Variants in SYT3 observed in about 807,000 individuals in gnomAD.
The protein encoded by SYT3 is synaptotagmin-3.
In SYT3, 25 loss-of-function variants were observed where a neutral mutation model predicts 50.6. The observed-to-expected ratio is 0.49, with a 90% CI of 0.36 to 0.69. SYT3 has a LOEUF of 0.69. SYT3 is among the 30% of genes least tolerant of loss of function. The probability of loss-of-function intolerance (pLI) is 0.00; values close to 1 mark genes in which losing one functional copy is unlikely to be tolerated. For missense variants in SYT3, 589 were observed against 793.6 expected (o/e 0.74, Z 3.10); for synonymous variants, 323 against 353.9 (o/e 0.91, Z 0.98).
chr19:50,633,395 GTC>G (rs1307430744), intron 3 of SYT3, among the ~76,000 whole-genome samples: 1 of 152,230 alleles, frequency 6.6e-6, no homozygotes, highest in Non-Finnish European at 1.5e-5. Context: ...GAATCCAGCA[GTC>G]TCTCTCCAGA....
In SYT3 at chr19:50,629,976, G is replaced by C; in HGVS notation, c.870C>G (p.Gly290=). The part of the protein sequence containing the change: ...PGGRRSGGGP[G]SGEAGTGAPC... ...GTGCCCCTGTGCCTGCCTCTCCAGA[G>C]CCTGGGCCCCCACCGCTCCGCCGGC... Residue 290 remains glycine, a synonymous_variant, in exon 5 of 11, where the codon GGC becomes GGG. Transcript: ENST00000600079. 5 of 1,613,894 alleles carry C rather than the reference G, an allele frequency of 3.1e-6. No homozygotes were observed. Among genetic ancestry groups the C allele is most frequent in the Non-Finnish European group, 4.2e-6 (5 of 1,179,890 alleles).
chr19:50,629,567 C>T, intron 5 of SYT3, 55 bp from the exon 6 acceptor site: 1 of 1,213,584 alleles, frequency 8.2e-7, no homozygotes, highest in East Asian at 2.3e-5. Context: ...CCCTCCTCCA[C>T]AGGATCCAGG....
In SYT3 at chr19:50,629,337, G is replaced by A; in HGVS notation, c.1238C>T (p.Pro413Leu). Reference protein sequence around the residue: ...LDNLLELAEQPPDRPLWRDIV... With the variant: ...LDNLLELAEQLPDRPLWRDIV... The stretch of plus-strand genomic sequence containing the variant: ...GTCCCTCCAGAGCGGGCGGTCAGGG[G>A]GCTGCTCGGCCAGCTCCAGGAGGTT... The change falls in exon 6 of 11, where the codon CCC becomes CTC. Residue 413 changes from proline to leucine, a missense_variant. Pro to Leu is a moderately conservative substitution (Grantham distance 98, BLOSUM62 -3). Around this residue, in one of 2 missense-constraint regions of SYT3, gnomAD observed 273 missense variants for 439.3 expected, o/e 0.62. Transcript: ENST00000600079. 1 of 1,612,982 alleles carries A rather than the reference G, an allele frequency of 6.2e-7. No individual in the cohort carries two copies. Among genetic ancestry groups the A allele is most frequent in the Non-Finnish European group, 8.5e-7 (1 of 1,179,454 alleles).
intron 3 of SYT3, among the ~76,000 whole-genome samples, chr19:50,633,575 G>A (rs1223003695): frequency 6.6e-6 from 1 of 152,162 alleles, no homozygotes; most frequent in Non-Finnish European, 1.5e-5. Context: ...TGTGGCCTTG[G>A]GAACATATCT....
chr19:50,630,140 G>C lies in SYT3; in HGVS notation c.706C>G (p.Gln236Glu), dbSNP rs1984245876. 6.3e-7 allele frequency: 1 copy of C among 1,589,372 alleles called. No homozygotes were observed. Among genetic ancestry groups the C allele is most frequent in the Admixed American group, 1.7e-5 (1 of 57,322 alleles). Residue 236 changes from glutamine (Q) to glutamate (E), a missense_variant, in exon 5 of 11, where the codon CAG (glutamine) becomes GAG (glutamate). By Grantham distance (29) the Gln-to-Glu change is conservative. This residue lies in a region of SYT3 where 316 missense variants were observed against 354.3 expected (regional missense o/e 0.89). Transcript: ENST00000600079. ...GGGTCCGGCTGGGAGGTCAGAGTCT[G>C]CTGGGTGAGGGGTCGGGGCAGGGCT... ...YPALPRPLTQ[Q>E]TLTSQPDPSS...
intron 4 of SYT3, 107 bp from the exon 5 acceptor site, chr19:50,630,278 AG>A: frequency 8.2e-7 from 1 of 1,213,196 alleles, no homozygotes; most frequent in Non-Finnish European, 1.1e-6. Flanking sequence ...TCCCCCAGCC[AG>A]GTGGCCACAA....
rs1984604825 is a variant in SYT3, at chr19:50,639,493, C to A, written c.-154+297G>T. On this transcript the variant is annotated intron_variant, in intron 1 of 10. Transcript: ENST00000600079. The surrounding 1 kb of genome is among the most constrained non-coding windows in gnomAD (Gnocchi z 4.6). ...ACGCTTCAGGGGAGGGGAACGATGT[C>A]CGGGACTTCGAAAAGCCACGGAGCC... 1.3e-5 allele frequency among the ~76,000 whole-genome samples: 2 copies of A among 151,654 alleles called. No individual in the cohort carries two copies. Among genetic ancestry groups the A allele is most frequent in the Admixed American group, 1.3e-4 (2 of 15,230 alleles).
rs1984012286 is a variant in SYT3, at chr19:50,625,416, G to A, written c.1551C>T (p.Ser517=). ...APESVENVGL[S]IAVVDYDCIG... ...ACCAGTCGTAGTCTACCACGGCGAT[G>A]CTGAGCCCCACGTTCTCCACGCTCT... The change falls in exon 8 of 11, where the codon AGC becomes AGT. Residue 517 remains serine, a synonymous_variant. Transcript: ENST00000600079. This position sits in a 1 kb window ranked among gnomAD's most constrained non-coding sequence, Gnocchi z 7.5. 1.3e-6 allele frequency: 2 copies of A among 1,557,396 alleles called. No individual in the cohort carries two copies. Among genetic ancestry groups the A allele is most frequent in the South Asian group, 1.2e-5 (1 of 84,662 alleles).
At chr19:50,652,066 C>G in the SYT3 span, among the ~76,000 whole-genome samples, 1 of 152,162 alleles carries the variant, frequency 6.6e-6, no homozygotes, top group African/African-American at 2.4e-5. Flanking sequence ...TCACTGCAGC[C>G]TCAAAATCCT....
Position 50,625,522 on chromosome 19 carries a change from A to G in SYT3, c.1445T>C (p.Leu482Pro). The G allele has an allele frequency of 6.2e-7, 1 of 1,608,520 alleles. No homozygotes were observed. The highest frequency in any genetic ancestry group is 8.5e-7 in the Non-Finnish European group (1 of 1,177,530). The change falls in exon 8 of 11, where the codon CTG becomes CCG. Residue 482 changes from leucine to proline, a missense_variant. By Grantham distance (98) the Leu-to-Pro change is moderately conservative. Transcript: ENST00000600079. The surrounding 1 kb of genome is among the most constrained non-coding windows in gnomAD (Gnocchi z 7.5). ...CTTGATGGAGGTTTTCCGCTTCTTCAGACGCCGCCCCTCGCTGATCAGGGA... is the reference window on the plus strand; with the variant it reads ...CTTGATGGAGGTTTTCCGCTTCTTCGGACGCCGCCCCTCGCTGATCAGGGA... ...KASLISEGRR[L>P]KKRKTSIKKN... is the part of the protein sequence containing the mutation.
intron 9 of SYT3, 164 bp downstream of exon 9, chr19:50,624,998 G>A (rs981112181): frequency 1.8e-5 from 11 of 610,078 alleles, no homozygotes; most frequent in East Asian, 3.3e-5. Context: ...CAGAGCGCTT[G>A]GGTAACTGGC....
rs376907831 is a variant in SYT3, at chr19:50,633,951, C to T, written c.149-1140G>A. Among the ~76,000 whole-genome samples, 23 of 152,290 alleles carry T rather than the reference C, an allele frequency of 1.5e-4. No individual in the cohort carries two copies. The South Asian group carries it at 2.5e-3, about 16-fold the overall frequency. ...TTACTATGATGCTATCACACCTCAA[C>T]GCTTCCCAATAAATGGTAGTTCAAA... is the stretch of plus-strand genomic sequence containing the variant. On this transcript the variant is annotated intron_variant, in intron 3 of 10. Transcript: ENST00000600079.
chr19:50,640,471 A>C, upstream of SYT3, among the ~76,000 whole-genome samples: 1 of 152,248 alleles, frequency 6.6e-6, no homozygotes, highest in Non-Finnish European at 1.5e-5. Context: ...TGGTATATTA[A>C]TAGCAGTTAA....
At chr19:50,652,966 TTCA>T in the SYT3 span, among the ~76,000 whole-genome samples, 17 of 152,320 alleles carry the variant, frequency 1.1e-4, 1 homozygote, top group Admixed American at 2.0e-4. Context: ...GTGCTTCTGT[TTCA>T]TCATGTGTTA....
chr19:50,654,141 G>A, the SYT3 span, among the ~76,000 whole-genome samples: 1 of 152,062 alleles, frequency 6.6e-6, no homozygotes, highest in Admixed American at 6.6e-5. Context: ...ACCAGGGCCG[G>A]GCTGTCAGTG....
At chr19:50,657,881 A>C in the SYT3 span, 3 of 1,396,610 alleles carry the variant, frequency 2.1e-6, no homozygotes, top group Admixed American at 3.0e-5. Flanking sequence ...CTCAAATGCC[A>C]CCTGGAACTC....
chr19:50,645,725 A>T, the SYT3 span, among the ~76,000 whole-genome samples: 1 of 152,130 alleles, frequency 6.6e-6, no homozygotes, highest in African/African-American at 2.4e-5. Context: ...CCAAAAAAAT[A>T]CAAAAATTAG....
chr19:50,653,638 A>T, the SYT3 span, among the ~76,000 whole-genome samples: 12 of 150,930 alleles, frequency 8.0e-5, no homozygotes, highest in East Asian at 2.4e-3. Flanking sequence ...CACTGACTAT[A>T]GTTAAACCAA....
the SYT3 span, chr19:50,656,135 T>C: frequency 2.0e-6 from 3 of 1,536,172 alleles, no homozygotes; most frequent in South Asian, 2.4e-5. Context: ...GAGTTGTCCC[T>C]GGCCCCCATG....
Sources: allele counts gnomAD v4.1 joint callset (sites outside exome capture counted in the v4.1 genomes callset), GRCh38; gene constraint gnomAD v4.1.1; regional missense constraint gnomAD v4.1.1; non-coding constraint Gnocchi (gnomAD v3.1); transcripts MANE v1.5; gene names NCBI Gene and HGNC (gene_info 2026-07-23, HGNC 2026-07-21).